Variants in TMEM131 observed in about 807,000 individuals in gnomAD.
The protein encoded by TMEM131 is transmembrane protein 131.
A neutral mutation model predicts 211.6 loss-of-function variants in TMEM131; 66 were observed. The observed-to-expected ratio is 0.31, with a 90% confidence interval of 0.26 to 0.38. The LOEUF is 0.38. Ranked by LOEUF, TMEM131 falls within the 10% of genes least tolerant of loss-of-function variation. The pLI, the probability that TMEM131 is intolerant of heterozygous loss-of-function variation, is 1.00. For synonymous variants in TMEM131, 844 were observed against 841.3 expected (o/e 1.00, Z -0.06); for missense variants, 2,036 against 2,299.3 (o/e 0.89, Z 2.34).
intron 3 of TMEM131, among the ~76,000 whole-genome samples, chr2:97,904,786 T>C (rs1035825005): frequency 1.1e-4 from 16 of 152,014 alleles, no homozygotes; most frequent in African/African-American, 3.4e-4. Flanking sequence ...GACTAGTTTA[T>C]TGGCTATAGT....
chr2:97,759,441 G>T (rs1678696267), intron 39 of TMEM131: 4 of 573,400 alleles, frequency 7.0e-6, no homozygotes, highest in Non-Finnish European at 1.2e-5. Flanking sequence ...CAACTGGTGT[G>T]CGCACACCGT....
At chr2:97,948,208 A>T (rs1322584776) in intron 1 of TMEM131, among the ~76,000 whole-genome samples, 2 of 150,464 alleles carry the variant, frequency 1.3e-5, no homozygotes, top group Admixed American at 6.6e-5. Context: ...TGGATTAAAA[A>T]TTTTTTTTTT....
chr2:97,833,467 C>T (rs1279806513), intron 10 of TMEM131, 41 bp from the exon 11 acceptor site: 20 of 949,382 alleles, frequency 2.1e-5, no homozygotes, highest in Non-Finnish European at 3.2e-5. Flanking sequence ...TAAAAAGGTG[C>T]TTTTTAGCCA....
At chr2:97,812,884 A>C in intron 15 of TMEM131, 135 bp from the exon 16 acceptor site, 3 of 478,144 alleles carry the variant, frequency 6.3e-6, no homozygotes, top group African/African-American at 2.0e-5. Flanking sequence ...TGCACCTATA[A>C]TCCCAGCTAC....
rs556909850 is a variant in TMEM131, at chr2:97,929,988, T to TAAAA, written c.188-2505_188-2502dup. On this transcript the variant is annotated intron_variant, in intron 1 of 40. Coordinates refer to ENST00000186436, the MANE Select transcript of TMEM131 (RefSeq NM_015348.2). The stretch of plus-strand genomic sequence containing the variant: ...TCATTACAATAAAGGACTATGAATA[T>TAAAA]AAAAGGCTCTGCTCAGCTCACCCAT... Among the ~76,000 whole-genome samples the TAAAA allele has an allele frequency of 6.3e-3, 956 of 151,850 alleles. 7 individuals carry two copies. The highest frequency in any genetic ancestry group is 9.7e-3 in the Non-Finnish European group (657 of 67,996).
intron 4 of TMEM131, among the ~76,000 whole-genome samples, chr2:97,871,267 G>A (rs532069433): frequency 6.2e-4 from 95 of 152,294 alleles, no homozygotes; most frequent in Admixed American, 6.5e-4. Context: ...CATAGTTGAC[G>A]CCATCTTGCT....
At chr2:97,878,071 T>C (rs531674541) in intron 4 of TMEM131, among the ~76,000 whole-genome samples, 1 of 152,336 alleles carries the variant, frequency 6.6e-6, no homozygotes, top group African/African-American at 2.4e-5. Flanking sequence ...AGAGAAGACA[T>C]TTATGCAGCC....
intron 35 of TMEM131, chr2:97,763,084 G>C (rs1003905035): frequency 6.6e-6 from 1 of 152,104 alleles, no homozygotes; most frequent in Admixed American, 6.5e-5. Context: ...CTACCTGGCT[G>C]GCCCCTCCTG....
At chr2:97,927,115 T>G (rs184138571) in intron 2 of TMEM131, among the ~76,000 whole-genome samples, 69 of 152,318 alleles carry the variant, frequency 4.5e-4, no homozygotes, top group African/African-American at 1.6e-3. Context: ...AAGCTGACTC[T>G]AGGCAAATAC....
intron 3 of TMEM131, among the ~76,000 whole-genome samples, chr2:97,893,256 G>A (rs1301510580): frequency 6.6e-6 from 1 of 152,192 alleles, no homozygotes; most frequent in Non-Finnish European, 1.5e-5. Context: ...ATTCCATGGT[G>A]TATATGTGCC....
At chr2:97,836,424 T>C (rs1269315839) in intron 8 of TMEM131, among the ~76,000 whole-genome samples, 1 of 152,210 alleles carries the variant, frequency 6.6e-6, no homozygotes, top group Non-Finnish European at 1.5e-5. Context: ...TGGAACTGAA[T>C]TGACCACAAT....
At chr2:97,871,926 C>A (rs1218200564) in intron 4 of TMEM131, among the ~76,000 whole-genome samples, 2 of 144,890 alleles carry the variant, frequency 1.4e-5, no homozygotes, top group East Asian at 4.0e-4. Context: ...ACAGCACTGG[C>A]ATAAAAATGG....
At chr2:97,795,832 T>A (rs1680736246) in intron 28 of TMEM131, among the ~76,000 whole-genome samples, 1 of 152,196 alleles carries the variant, frequency 6.6e-6, no homozygotes, top group African/African-American at 2.4e-5. Flanking sequence ...ATCCGTATAC[T>A]GCAAAACGTG....
rs1435149414 is a variant in TMEM131, at chr2:97,968,490, T to C, written c.187+26986A>G. On this transcript the variant is annotated intron_variant, in intron 1 of 40. Transcript: ENST00000186436. ...GAGCACTTGCTGTGTACCACACACATTTCAGACAACACAGTGGGCACTCCT... is the reference window on the plus strand; with the variant it reads ...GAGCACTTGCTGTGTACCACACACACTTCAGACAACACAGTGGGCACTCCT... Among the ~76,000 whole-genome samples, 7 of 152,248 alleles carry C rather than the reference T, an allele frequency of 4.6e-5. No individual in the cohort carries two copies. The South Asian group carries it at 1.0e-3, about 23-fold the overall frequency.
chr2:97,974,432 G>C (rs564087383), intron 1 of TMEM131, among the ~76,000 whole-genome samples: 1 of 152,088 alleles, frequency 6.6e-6, no homozygotes, highest in African/African-American at 2.4e-5. Flanking sequence ...CAGGAAAAAT[G>C]TTTAAAGAAA....
At chr2:97,915,503 T>C (rs1206357603) in intron 2 of TMEM131, among the ~76,000 whole-genome samples, 1 of 152,026 alleles carries the variant, frequency 6.6e-6, no homozygotes, top group Non-Finnish European at 1.5e-5. Flanking sequence ...ATTTATTTTA[T>C]TTACTTACTT....
At chr2:97,963,195 A>C (rs1463022069) in intron 1 of TMEM131, among the ~76,000 whole-genome samples, 1 of 152,240 alleles carries the variant, frequency 6.6e-6, no homozygotes, top group African/African-American at 2.4e-5. Context: ...CATAAAGGAA[A>C]GAAAAAGAAA....
chr2:97,875,235 A>T (rs988410406), intron 4 of TMEM131, among the ~76,000 whole-genome samples: 1 of 152,210 alleles, frequency 6.6e-6, no homozygotes, highest in African/African-American at 2.4e-5. Context: ...AGAGACCTAC[A>T]AAGAGACTTA....
intron 1 of TMEM131, among the ~76,000 whole-genome samples, chr2:97,961,136 TA>T (rs1179149824): frequency 0.043 from 5,787 of 135,366 alleles, 198 homozygotes; most frequent in African/African-American, 0.1. Context: ...AAACACTATC[TA>T]AAAAAAAAAA....
Sources: gnomAD v4.1 joint callset for allele counts (sites outside exome capture counted in the v4.1 genomes callset) on GRCh38, gnomAD v4.1.1 for gene constraint, MANE v1.5 for transcripts, NCBI Gene and HGNC (gene_info 2026-07-23, HGNC 2026-07-21) for gene names.